STK32B: variants seen among roughly 807,000 people sequenced by gnomAD.
The protein encoded by STK32B is serine/threonine-protein kinase 32B.
Under a neutral mutation model 52.6 loss-of-function variants are expected in STK32B, and 43 were observed. That is an observed-to-expected ratio of 0.82 (90% CI 0.64 to 1.05). STK32B has a LOEUF of 1.05. STK32B is among the 50% of genes least tolerant of loss of function. STK32B has a pLI of 0.00. For synonymous variants in STK32B, 238 were observed against 204.3 expected (o/e 1.17, Z -1.41); for missense variants, 621 against 534.6 (o/e 1.16, Z -1.59).
chr4:5,313,100 A>T (rs1394403609), intron 3 of STK32B, among the ~76,000 whole-genome samples: 1 of 145,552 alleles, frequency 6.9e-6, no homozygotes, highest in Non-Finnish European at 1.5e-5. Context: ...GAGCAAAAGT[A>T]ATTGTGGTTT....
chr4:5,233,519 A>G (rs1221870408), intron 3 of STK32B, among the ~76,000 whole-genome samples: 1 of 152,048 alleles, frequency 6.6e-6, no homozygotes, highest in African/African-American at 2.4e-5. Context: ...AGGGGACGGA[A>G]AGGTATGAGG....
chr4:5,126,766 A>G (rs1313228521), intron 1 of STK32B, among the ~76,000 whole-genome samples: 2 of 152,210 alleles, frequency 1.3e-5, no homozygotes, highest in Non-Finnish European at 2.9e-5. Context: ...AAGGCCGCCT[A>G]TCTCTCAACA....
intron 3 of STK32B, among the ~76,000 whole-genome samples, chr4:5,202,683 A>C (rs1388634646): frequency 1.3e-5 from 2 of 152,210 alleles, no homozygotes; most frequent in Non-Finnish European, 2.9e-5. Flanking sequence ...TATCTTCTGC[A>C]CACCCACAGG....
intron 3 of STK32B, among the ~76,000 whole-genome samples, chr4:5,209,456 T>G (rs1262814896): frequency 6.6e-6 from 1 of 152,202 alleles, no homozygotes; most frequent in Non-Finnish European, 1.5e-5. Context: ...ATACTTAGGC[T>G]AAAGTGATCT....
intron 11 of STK32B, among the ~76,000 whole-genome samples, chr4:5,473,616 A>G (rs1718011044): frequency 6.6e-6 from 1 of 152,128 alleles, no homozygotes; most frequent in Non-Finnish European, 1.5e-5. Flanking sequence ...CATGTACATT[A>G]AATGTTGGGC....
chr4:5,125,840 A>C, intron 1 of STK32B, among the ~76,000 whole-genome samples: 1 of 151,586 alleles, frequency 6.6e-6, no homozygotes. Flanking sequence ...CCTCCTGTGG[A>C]CCTCCCTCTC....
intron 3 of STK32B, among the ~76,000 whole-genome samples, chr4:5,295,337 C>G (rs1458624643): frequency 6.6e-6 from 1 of 152,090 alleles, no homozygotes; most frequent in Non-Finnish European, 1.5e-5. Flanking sequence ...GGCATAGTTT[C>G]AGAAGGAATG....
intron 11 of STK32B, among the ~76,000 whole-genome samples, chr4:5,478,319 C>T (rs549985589): frequency 2.0e-5 from 3 of 152,248 alleles, no homozygotes; most frequent in African/African-American, 4.8e-5. Context: ...TGCAAAGGGG[C>T]GGAGAGAGGG....
chr4:5,436,682 G>C (rs917934300), intron 6 of STK32B: 2 of 984,544 alleles, frequency 2.0e-6, no homozygotes, highest in Non-Finnish European at 2.4e-6. Context: ...TTAGGAGTTA[G>C]AATCACGCAG....
At chr4:5,373,922 A>G (rs192190924) in intron 4 of STK32B, among the ~76,000 whole-genome samples, 4 of 152,350 alleles carry the variant, frequency 2.6e-5, no homozygotes, top group East Asian at 1.9e-4. Context: ...CCCAAAAGTA[A>G]TGTCCACCTG....
intron 3 of STK32B, among the ~76,000 whole-genome samples, chr4:5,296,249 G>A (rs1393516429): frequency 6.6e-6 from 1 of 152,168 alleles, no homozygotes. Context: ...TTGATTTGGG[G>A]TGGAGAGTTC....
chr4:5,323,181 C>T (rs1731634182), intron 3 of STK32B, among the ~76,000 whole-genome samples: 1 of 152,158 alleles, frequency 6.6e-6, no homozygotes, highest in Non-Finnish European at 1.5e-5. Flanking sequence ...CCACTTCATG[C>T]TAACAGTCAG....
intron 4 of STK32B, among the ~76,000 whole-genome samples, chr4:5,338,048 A>G (rs1732822245): frequency 6.6e-6 from 1 of 152,222 alleles, no homozygotes. Context: ...GTTAGATACC[A>G]AAATTATAAC....
intron 11 of STK32B, among the ~76,000 whole-genome samples, chr4:5,472,117 A>C (rs181826779): frequency 6.6e-6 from 1 of 152,222 alleles, no homozygotes; most frequent in Non-Finnish European, 1.5e-5. Context: ...CAGGGCATCC[A>C]CTGTGTCAGC....
chr4:5,039,625 A>T, the STK32B span, among the ~76,000 whole-genome samples: 13 of 152,266 alleles, frequency 8.5e-5, no homozygotes, highest in African/African-American at 3.1e-4. Flanking sequence ...AAGTACATAA[A>T]CTTTTAACAT....
chr4:5,489,573 A>T lies in STK32B; in HGVS notation c.1107-9372A>T, dbSNP rs538034233. ...AAAACGTATGTAGACAATTATGAAG[A>T]CATTTTAAATTTTATTTCATTAACA... On this transcript the variant is annotated intron_variant, in intron 11 of 11. Transcript: ENST00000282908. Among the ~76,000 whole-genome samples, 106 of 152,288 alleles carry T rather than the reference A, an allele frequency of 7.0e-4. 1 individual carries two copies. Among genetic ancestry groups the T allele is most frequent in the African/African-American group, 2.4e-3 (100 of 41,564 alleles).
At chr4:5,040,388 ATTTTTT>A in the STK32B span, among the ~76,000 whole-genome samples, 170 of 118,632 alleles carry the variant, frequency 1.4e-3, no homozygotes, top group East Asian at 3.5e-3. Context: ...TGGCAGTAGA[ATTTTTT>A]TTTTTTTTTT....
At chr4:5,440,168 G>T (rs1714580318) in intron 6 of STK32B, among the ~76,000 whole-genome samples, 1 of 152,148 alleles carries the variant, frequency 6.6e-6, no homozygotes, top group African/African-American at 2.4e-5. Flanking sequence ...GATGGGGATG[G>T]CATTGAATCT....
Position 5,183,939 on chromosome 4 carries a change from G to T in STK32B, c.260+15489G>T, listed in dbSNP as rs1041419868. Among the ~76,000 whole-genome samples the T allele has an allele frequency of 6.6e-5, 10 of 152,240 alleles. No homozygotes were observed. In the South Asian group the frequency reaches 1.5e-3, roughly 22 times the overall value. Reference sequence around the variant, plus strand: ...GCTCTGGATTAGGCTTTGGCTTAAGGGGATGTTGTGGCGAGTTTGATTTTC... The same window carrying T: ...GCTCTGGATTAGGCTTTGGCTTAAGTGGATGTTGTGGCGAGTTTGATTTTC... On this transcript the variant is annotated intron_variant, in intron 3 of 11. Transcript: ENST00000282908.
Sources: gnomAD v4.1 joint callset for allele counts (sites outside exome capture counted in the v4.1 genomes callset) on GRCh38, gnomAD v4.1.1 for gene constraint, MANE v1.5 for transcripts, NCBI Gene and HGNC (gene_info 2026-07-23, HGNC 2026-07-21) for gene names.